The following AR variants were observed in gnomAD, a reference collection of about 807,000 sequenced individuals.
AR encodes dihydrotestosterone receptor.
AR carries 8 observed loss-of-function variants against 53.9 expected under a neutral mutation model. The observed-to-expected ratio is 0.15, with a 90% confidence interval of 0.09 to 0.27. The LOEUF (loss-of-function observed/expected upper bound fraction) is 0.27. Ranked by LOEUF, AR falls within the 10% of genes least tolerant of loss-of-function variation. The pLI is 1.00. For synonymous variants in AR, 359 were observed against 316.4 expected, an observed-to-expected ratio of 1.13 and a Z score of -1.43; for missense variants, 639 against 742.5, an observed-to-expected ratio of 0.86 and a Z score of 1.62.
At chrX:67,644,203 G>C (rs1227932114) in intron 2 of AR, among the ~76,000 whole-genome samples, 3 of 111,808 alleles carry the variant, frequency 2.7e-5, no homozygotes, top group Non-Finnish European at 5.6e-5. Context: ...ATACGGTAAT[G>C]TCTCCTTCCT....
chrX:67,588,628 A>G (rs1472545006), intron 1 of AR, among the ~76,000 whole-genome samples: 2 of 112,374 alleles, frequency 1.8e-5, no homozygotes, highest in Non-Finnish European at 3.8e-5. Context: ...CCTCTATCAA[A>G]AAGCAGAATG....
chrX:67,663,880 T>C (rs983486359), intron 2 of AR, among the ~76,000 whole-genome samples: 2 of 112,215 alleles, frequency 1.8e-5, no homozygotes, highest in African/African-American at 6.5e-5. Flanking sequence ...TGATCTTCAA[T>C]CACTGATACC....
chrX:67,726,737 AT>A lies in AR; in HGVS notation c.*2906del, dbSNP rs886932863. ...TTCTCCCATGGATGAAAGGAGGAGG[AT>A]TTTTTTTTTCTTTTGGCCATTGATG... is the stretch of plus-strand genomic sequence containing the variant. On this transcript the variant is annotated 3_prime_UTR_variant, in exon 8 of 8. Coordinates refer to ENST00000374690, the MANE Select transcript of AR (RefSeq NM_000044.6). 21 of 166,277 alleles carry A rather than the reference AT, an allele frequency of 1.3e-4. No individual in the cohort carries two copies. The highest frequency in any genetic ancestry group is 1.5e-4 in the African/African-American group (5 of 32,855). 13.7% of individuals were successfully genotyped at this position (166,277 alleles called of 1,213,427 possible). A position where few individuals can be genotyped will look rare whatever the true frequency, so the allele number is the denominator to read the frequency against.
Position 67,725,642 on chromosome X carries a change from T to C in AR, c.*1801T>C. The C allele has an allele frequency of 5.7e-6, 1 of 175,301 alleles. No individual in the cohort carries two copies. Among genetic ancestry groups the C allele is most frequent in the East Asian group, 8.1e-5 (1 of 12,395 alleles). 14.4% of individuals were successfully genotyped at this position (175,301 alleles called of 1,213,427 possible). A position where few individuals can be genotyped will look rare whatever the true frequency, so the allele number is the denominator to read the frequency against. ...AGCCAGATGGACACCATCTGGTGAG[T>C]TTACTCATCATCCTCCTCTGCTGCT... On this transcript the variant is annotated 3_prime_UTR_variant, in exon 8 of 8. Coordinates refer to ENST00000374690, the MANE Select transcript of AR (RefSeq NM_000044.6).
intron 1 of AR, among the ~76,000 whole-genome samples, chrX:67,602,999 T>C (rs911984422): frequency 4.5e-5 from 5 of 111,751 alleles, no homozygotes; most frequent in African/African-American, 1.6e-4. Context: ...AAACATGACT[T>C]CTAAAGTAAT....
At chrX:67,688,546 T>G (rs2075979278) in intron 3 of AR, among the ~76,000 whole-genome samples, 1 of 111,694 alleles carries the variant, frequency 9.0e-6, no homozygotes, top group South Asian at 3.8e-4. Flanking sequence ...TGGTATGCCA[T>G]ATAATATGTA....
chrX:67,666,021 G>A (rs931249424), intron 2 of AR, among the ~76,000 whole-genome samples: 1 of 111,012 alleles, frequency 9.0e-6, no homozygotes, highest in Non-Finnish European at 1.9e-5. Flanking sequence ...AGAGTTAATG[G>A]GGTATCCCTC....
chrX:67,626,972 A>G (rs1924697514), intron 1 of AR, among the ~76,000 whole-genome samples: 1 of 104,692 alleles, frequency 9.6e-6, no homozygotes, highest in Non-Finnish European at 2.0e-5. Context: ...ATCCTTTTTT[A>G]TGGCTGCATA....
chrX:67,711,613 A>C lies in AR; in HGVS notation c.2097A>C (p.Ala699=). 1 of 1,210,703 alleles carries C rather than the reference A, an allele frequency of 8.3e-7. No homozygotes were observed. Among genetic ancestry groups the C allele is most frequent in the Non-Finnish European group, 1.1e-6 (1 of 894,657 alleles). ...GHDNNQPDSF[A]ALLSSLNELG... The stretch of plus-strand genomic sequence containing the variant: ...ACAACAACCAGCCCGACTCCTTTGC[A>C]GCCTTGCTCTCTAGCCTCAATGAAC... The change falls in exon 4 of 8, where the codon GCA becomes GCC. Residue 699 remains alanine, a synonymous_variant. Transcript: ENST00000374690.
intron 1 of AR, among the ~76,000 whole-genome samples, chrX:67,550,706 G>A (rs1929958594): frequency 1.9e-5 from 2 of 107,796 alleles, no homozygotes; most frequent in Admixed American, 2.0e-4. Flanking sequence ...AGCTTGGTCA[G>A]AGAAGGAAAA....
rs2076159313 is a variant in AR at position 67,726,793 on chromosome X, A to G, written c.*2952A>G. On this transcript the variant is annotated 3_prime_UTR_variant, in exon 8 of 8. Transcript: ENST00000374690. ...AGCCAATGTAATTGACAGAAGTCTC[A>G]TTTTGCATGCGCTCTGCTCTACAAA... 3 of 172,967 alleles carry G rather than the reference A, an allele frequency of 1.7e-5. No homozygotes were observed. Among genetic ancestry groups the G allele is most frequent in the Admixed American group, 7.9e-5 (1 of 12,595 alleles). The allele number at this position is 172,967 out of a possible 1,213,427, so 14.3% of individuals were successfully genotyped here.
chrX:67,597,504 T>C lies in AR; in HGVS notation c.1617-45752T>C, dbSNP rs939538325. Among the ~76,000 whole-genome samples, 8 of 112,067 alleles carry C rather than the reference T, an allele frequency of 7.1e-5. No homozygotes were observed. In the South Asian group the frequency reaches 3.0e-3, roughly 42 times the overall value. On this transcript the variant is annotated intron_variant, in intron 1 of 7. Transcript: ENST00000374690. ...ACTTATAATCCTGGGATCTTCATGT[T>C]GCCAGATATTAACCTCTTGAAGTTT...
chrX:67,655,011 G>A lies in AR; in HGVS notation c.1768+11604G>A, dbSNP rs372543596. 2.0e-4 allele frequency among the ~76,000 whole-genome samples: 21 copies of A among 105,008 alleles called. 1 individual carries two copies. The highest frequency in any genetic ancestry group is 1.6e-3 in the Admixed American group (15 of 9,470). 91.2% of individuals were successfully genotyped at this position (105,008 alleles called of 115,157 possible). A position where few individuals can be genotyped will look rare whatever the true frequency, so the allele number is the denominator to read the frequency against. ...CTATTTTGTTTAAAATGAAACTATGGCAGTATAGTGGTATTCATTCTGCTT... is the reference window on the plus strand; with the variant it reads ...CTATTTTGTTTAAAATGAAACTATGACAGTATAGTGGTATTCATTCTGCTT... On this transcript the variant is annotated intron_variant, in intron 2 of 7. Coordinates refer to ENST00000374690, the MANE Select transcript of AR (RefSeq NM_000044.6).
rs746547893 is a variant in AR at position 67,656,463 on chromosome X, T to G, written c.1768+13056T>G. ...AGACTGGCATAGTACAATGAGCCTG[T>G]CCCTATCAGCAGGTTTGGAAGCCTT... On this transcript the variant is annotated intron_variant, in intron 2 of 7. Transcript: ENST00000374690. Among the ~76,000 whole-genome samples the G allele has an allele frequency of 2.7e-5, 3 of 111,423 alleles. No homozygotes were observed. The East Asian group carries it at 8.5e-4, about 32-fold the overall frequency.
intron 1 of AR, among the ~76,000 whole-genome samples, chrX:67,638,899 C>T (rs1433698686): frequency 9.0e-6 from 1 of 111,658 alleles, no homozygotes; most frequent in Non-Finnish European, 1.9e-5. Context: ...GTAGTCTTTG[C>T]CCATGCCTAT....
chrX:67,560,350 C>A (rs1373859319), intron 1 of AR, among the ~76,000 whole-genome samples: 3 of 111,682 alleles, frequency 2.7e-5, no homozygotes, highest in Non-Finnish European at 5.6e-5. Context: ...CACGTCCTTT[C>A]TCTCTAGCTC....
intron 3 of AR, among the ~76,000 whole-genome samples, chrX:67,705,188 C>CATTG (rs1331780481): frequency 1.8e-5 from 2 of 111,578 alleles, no homozygotes; most frequent in African/African-American, 6.5e-5. Flanking sequence ...TGGAGAAAGT[C>CATTG]ATTGATAGCT....
chrX:67,671,130 G>T (rs1488958061), intron 2 of AR, among the ~76,000 whole-genome samples: 1 of 111,987 alleles, frequency 8.9e-6, no homozygotes, highest in Non-Finnish European at 1.9e-5. Flanking sequence ...TAATGGGATT[G>T]CTGAGTCAAA....
At chrX:67,722,072 CCTT>C (rs2076138376) in intron 6 of AR, 109 bp downstream of exon 6, 1 of 925,349 alleles carries the variant, frequency 1.1e-6, no homozygotes, top group Non-Finnish European at 1.5e-6. Flanking sequence ...TGGACATTTC[CCTT>C]CTTCATTCCC....
Sources: gnomAD v4.1 joint callset for allele counts (sites outside exome capture counted in the v4.1 genomes callset) on GRCh38, gnomAD v4.1.1 for gene constraint, MANE v1.5 for transcripts, NCBI Gene and HGNC (gene_info 2026-07-23, HGNC 2026-07-21) for gene names.